Variants in TRPC5OS observed in about 807,000 individuals in gnomAD.
The protein encoded by TRPC5OS is putative uncharacterized protein TRPC5OS.
For synonymous variants in TRPC5OS, 30 were observed against 29.3 expected, an observed-to-expected ratio of 1.02 and a Z score of -0.08; for missense variants, 64 against 79.3, an observed-to-expected ratio of 0.81 and a Z score of 0.73.
At position 111,895,391 on chromosome X, in the gene TRPC5OS, G is replaced by A. The variant is rs1293704854; in HGVS notation, c.-545-560G>A. ...AAAAATTAGATTGATTATGTTTTTC[G>A]TATTGATTTGTAGTTTAAAAAATGT... On this transcript the variant is annotated intron_variant, in intron 1 of 3. Coordinates refer to ENST00000635763, the MANE Select transcript of TRPC5OS (RefSeq NM_001195578.2). 8.1e-5 allele frequency among the ~76,000 whole-genome samples: 9 copies of A among 111,641 alleles called. No individual in the cohort carries two copies. The East Asian group carries it at 1.1e-3, about 14-fold the overall frequency.
chrX:111,896,970 C>T (rs1339891451), intron 3 of TRPC5OS, among the ~76,000 whole-genome samples: 1 of 111,962 alleles, frequency 8.9e-6, no homozygotes, highest in Middle Eastern at 4.2e-3. Context: ...CTTCAAAATC[C>T]AAAACGTTTT....
At chrX:111,879,439 A>T (rs1261761749) in intron 1 of TRPC5OS, among the ~76,000 whole-genome samples, 1 of 112,230 alleles carries the variant, frequency 8.9e-6, no homozygotes. Flanking sequence ...GAGAATAAGT[A>T]AAATCCCTGA....
chrX:111,888,357 A>G (rs929344496), intron 1 of TRPC5OS, among the ~76,000 whole-genome samples: 11 of 109,941 alleles, frequency 1.0e-4, no homozygotes, highest in Non-Finnish European at 1.9e-4. Context: ...TCCATTTTAA[A>G]GGGATCACTG....
chrX:111,894,773 A>C (rs1465681399), intron 1 of TRPC5OS, among the ~76,000 whole-genome samples: 1 of 111,522 alleles, frequency 9.0e-6, no homozygotes, highest in Non-Finnish European at 1.9e-5. Context: ...AAATTGCGCA[A>C]ATTTTAAGGG....
chrX:111,881,480 A>G (rs1245741839), intron 1 of TRPC5OS, among the ~76,000 whole-genome samples: 2 of 111,445 alleles, frequency 1.8e-5, no homozygotes, highest in African/African-American at 3.3e-5. Context: ...CTGGCCCGCT[A>G]TGTTTTCAGT....
intron 1 of TRPC5OS, among the ~76,000 whole-genome samples, chrX:111,892,398 A>G (rs1217553261): frequency 8.9e-6 from 1 of 112,048 alleles, no homozygotes; most frequent in African/African-American, 3.2e-5. Context: ...GTTTCTAAAG[A>G]TTTAATGCTT....
intron 1 of TRPC5OS, among the ~76,000 whole-genome samples, chrX:111,890,798 A>C (rs866580495): frequency 1.8e-5 from 2 of 111,670 alleles, no homozygotes. Flanking sequence ...GGTTTGTTTT[A>C]CAGATTATTT....
In TRPC5OS at chrX:111,903,877, CTAGTTAT is replaced by C. The variant is rs1408472289; in HGVS notation, c.*1695_*1701del. On this transcript the variant is annotated 3_prime_UTR_variant, in exon 4 of 4. Transcript: ENST00000635763. ...AAATTCTTATGTGTGATGATTACTG[CTAGTTAT>C]TATCTTATGATTGTTTACAATCTGT... The C allele has an allele frequency of 8.9e-6, 1 of 112,140 alleles. No individual in the cohort carries two copies. Among genetic ancestry groups the C allele is most frequent in the Non-Finnish European group, 1.9e-5 (1 of 53,207 alleles). The allele number at this position is 112,140 out of a possible 1,213,427, so 9.2% of individuals were successfully genotyped here.
intron 1 of TRPC5OS, among the ~76,000 whole-genome samples, chrX:111,892,237 A>G (rs1435550147): frequency 8.9e-6 from 1 of 112,471 alleles, no homozygotes; most frequent in Non-Finnish European, 1.9e-5. Context: ...GTATACGAAG[A>G]TGTTTGCATA....
chrX:111,893,122 C>T (rs1305131818), intron 1 of TRPC5OS, among the ~76,000 whole-genome samples: 3 of 105,034 alleles, frequency 2.9e-5, no homozygotes, highest in African/African-American at 1.1e-4. Context: ...TTCTTATAAC[C>T]ACTAGTATCA....
In TRPC5OS at chrX:111,903,181, T is replaced by G. The variant is rs1308215130; in HGVS notation, c.*996T>G. On this transcript the variant is annotated 3_prime_UTR_variant, in exon 4 of 4. Transcript: ENST00000635763. ...CAGTGTTTGCTTTGATTCTGTAATT[T>G]TATGTGCTTAAGGATTGTTAAGATA... 8.9e-6 allele frequency: 1 copy of G among 111,841 alleles called. No individual in the cohort carries two copies. Among genetic ancestry groups the G allele is most frequent in the Non-Finnish European group, 1.9e-5 (1 of 53,120 alleles). 9.2% of individuals were successfully genotyped at this position (111,841 alleles called of 1,213,427 possible). A position where few individuals can be genotyped will look rare whatever the true frequency, so the allele number is the denominator to read the frequency against.
chrX:111,895,744 G>A (rs1240000167), intron 1 of TRPC5OS, among the ~76,000 whole-genome samples: 1 of 111,352 alleles, frequency 9.0e-6, no homozygotes, highest in Non-Finnish European at 1.9e-5. Context: ...GTACTACGCT[G>A]TCTTAATTTC....
intron 1 of TRPC5OS, among the ~76,000 whole-genome samples, chrX:111,888,693 C>CAAAAAAAAAAAAAAAAAAAAA (rs753735549): frequency 9.1e-5 from 1 of 10,983 alleles, no homozygotes; most frequent in African/African-American, 2.2e-4. Context: ...GACTCTATCT[C>CAAAAAAAAAAAAAAAAAAAAA]AAAAAAAAAA....
At chrX:111,893,633 A>T (rs1029152238) in intron 1 of TRPC5OS, among the ~76,000 whole-genome samples, 1 of 111,939 alleles carries the variant, frequency 8.9e-6, no homozygotes, top group Non-Finnish European at 1.9e-5. Flanking sequence ...CCATAAGGAC[A>T]TTTCCTACTC....
At chrX:111,901,497 G>C (rs1191258694) in intron 3 of TRPC5OS, 43 bp from the exon 4 acceptor site, 2 of 126,307 alleles carry the variant, frequency 1.6e-5, no homozygotes, top group African/African-American at 6.4e-5. Context: ...ATGGATAAAG[G>C]CTCAAAGATA....
intron 1 of TRPC5OS, among the ~76,000 whole-genome samples, chrX:111,888,715 A>T (rs1406939199): frequency 9.6e-6 from 1 of 104,612 alleles, no homozygotes; most frequent in African/African-American, 3.5e-5. Context: ...AAAAAAAAAA[A>T]AAAAGAAAGA....
intron 1 of TRPC5OS, among the ~76,000 whole-genome samples, chrX:111,888,693 CAAAAAAAA>C (rs753735549): frequency 1.3e-3 from 14 of 10,975 alleles, no homozygotes; most frequent in African/African-American, 2.7e-3. Flanking sequence ...GACTCTATCT[CAAAAAAAA>C]AAAAAAAAAA....
intron 1 of TRPC5OS, among the ~76,000 whole-genome samples, chrX:111,876,775 A>G (rs1388426988): frequency 8.9e-6 from 1 of 112,061 alleles, no homozygotes; most frequent in Non-Finnish European, 1.9e-5. Flanking sequence ...AAATGAAAAG[A>G]TGCAAAACTG....
At chrX:111,884,593 G>A (rs1924383124) in intron 1 of TRPC5OS, among the ~76,000 whole-genome samples, 1 of 112,751 alleles carries the variant, frequency 8.9e-6, no homozygotes, top group Admixed American at 9.3e-5. Context: ...CCTGGGTAAG[G>A]TCTAGTCATA....
Sources: allele counts gnomAD v4.1 joint callset (sites outside exome capture counted in the v4.1 genomes callset), GRCh38; gene constraint gnomAD v4.1.1; transcripts MANE v1.5; gene names NCBI Gene and HGNC (gene_info 2026-07-23, HGNC 2026-07-21).